Variants in TMEM232 observed in about 807,000 individuals in gnomAD.
The protein encoded by TMEM232 is transmembrane protein 232.
Under a neutral mutation model 78.8 loss-of-function variants are expected in TMEM232, and 80 were observed. The observed-to-expected ratio is 1.01, with a 90% CI of 0.85 to 1.22. The LOEUF (loss-of-function observed/expected upper bound fraction) is 1.22. TMEM232 is among the 50% of genes most tolerant of loss of function. The probability of loss-of-function intolerance (pLI) is 0.00; values close to 1 mark genes in which losing one functional copy is unlikely to be tolerated. For missense variants in TMEM232, 881 were observed against 742.2 expected, an observed-to-expected ratio of 1.19 and a Z score of -2.17; for synonymous variants, 297 against 254.3, an observed-to-expected ratio of 1.17 and a Z score of -1.60.
chr5:110,538,544 T>C (rs774222827), intron 11 of TMEM232, among the ~76,000 whole-genome samples: 8 of 152,282 alleles, frequency 5.3e-5, no homozygotes, highest in African/African-American at 1.4e-4. Flanking sequence ...ACAATGAGCA[T>C]TGGGCAAAGG....
intron 12 of TMEM232, among the ~76,000 whole-genome samples, chr5:110,518,809 A>T (rs925458242): frequency 6.6e-6 from 1 of 152,176 alleles, no homozygotes; most frequent in Non-Finnish European, 1.5e-5. Context: ...CAAGGAAGAA[A>T]CTTTCCCACA....
intron 12 of TMEM232, among the ~76,000 whole-genome samples, chr5:110,464,818 ATGTATCTATCTG>A (rs1761902999): frequency 1.3e-5 from 2 of 152,310 alleles, no homozygotes; most frequent in African/African-American, 2.4e-5. Flanking sequence ...CTATCAATCT[ATGTATCTATCTG>A]TGTATCTATC....
chr5:110,656,674 T>C (rs773635722), intron 2 of TMEM232, among the ~76,000 whole-genome samples: 1 of 151,938 alleles, frequency 6.6e-6, no homozygotes, highest in Non-Finnish European at 1.5e-5. Flanking sequence ...CCGTCTCTAC[T>C]AAAAATACAA....
At chr5:110,544,981 C>G (rs543242843) in intron 11 of TMEM232, among the ~76,000 whole-genome samples, 1 of 151,610 alleles carries the variant, frequency 6.6e-6, no homozygotes. Flanking sequence ...TTACTAGTTA[C>G]GTGATCTTCC....
intron 12 of TMEM232, among the ~76,000 whole-genome samples, chr5:110,510,144 G>A (rs377759311): frequency 3.9e-5 from 6 of 152,060 alleles, no homozygotes; most frequent in Admixed American, 6.6e-5. Context: ...GACTTTAATC[G>A]TCACATTTAT....
intron 12 of TMEM232, among the ~76,000 whole-genome samples, chr5:110,491,725 T>A (rs1454363725): frequency 6.6e-6 from 1 of 151,844 alleles, no homozygotes; most frequent in Non-Finnish European, 1.5e-5. Flanking sequence ...GAGCAGAAAT[T>A]AAATAAACTA....
chr5:110,592,395 A>G (rs1779637340), intron 10 of TMEM232, among the ~76,000 whole-genome samples: 1 of 152,154 alleles, frequency 6.6e-6, no homozygotes, highest in Non-Finnish European at 1.5e-5. Flanking sequence ...AAATAGAATC[A>G]TCAGTGAGAC....
intron 1 of TMEM232, among the ~76,000 whole-genome samples, chr5:110,708,725 A>G (rs1469185855): frequency 6.6e-6 from 1 of 152,190 alleles, no homozygotes; most frequent in Non-Finnish European, 1.5e-5. Context: ...AAAATATGCA[A>G]CAGATTCACA....
intron 7 of TMEM232, 144 bp from the exon 8 acceptor site, chr5:110,618,706 G>T: frequency 1.1e-6 from 1 of 894,948 alleles, no homozygotes; most frequent in Non-Finnish European, 1.6e-6. Flanking sequence ...ACCAAGTGGA[G>T]CAATTTACAT....
At chr5:110,633,027 T>C (rs1183051409) in intron 5 of TMEM232, among the ~76,000 whole-genome samples, 1 of 152,040 alleles carries the variant, frequency 6.6e-6, no homozygotes, top group Non-Finnish European at 1.5e-5. Context: ...TAAAAGTGGA[T>C]TTCTCAGCAG....
intron 1 of TMEM232, among the ~76,000 whole-genome samples, chr5:110,701,452 C>A (rs560260443): frequency 6.6e-6 from 1 of 152,030 alleles, no homozygotes; most frequent in East Asian, 1.9e-4. Context: ...CCCATGCTCC[C>A]AGTAAGAAAA....
intron 12 of TMEM232, among the ~76,000 whole-genome samples, chr5:110,517,440 C>G (rs1768838754): frequency 6.6e-6 from 1 of 152,194 alleles, no homozygotes; most frequent in African/African-American, 2.4e-5. Flanking sequence ...TATAAAAAAG[C>G]AGGTATAATC....
At chr5:110,544,549 T>G (rs962421542) in intron 11 of TMEM232, among the ~76,000 whole-genome samples, 7 of 151,570 alleles carry the variant, frequency 4.6e-5, no homozygotes, top group Non-Finnish European at 8.8e-5. Context: ...ATTTTTGACA[T>G]AAGAGAAAAA....
downstream of TMEM232, among the ~76,000 whole-genome samples, chr5:110,417,189 G>C (rs1039095031): frequency 1.3e-5 from 2 of 152,168 alleles, no homozygotes; most frequent in Non-Finnish European, 2.9e-5. Context: ...AGCATGGAAA[G>C]AAGTTTTAGA....
At chr5:110,436,166 G>T (rs1468750430) in intron 12 of TMEM232, among the ~76,000 whole-genome samples, 1 of 151,910 alleles carries the variant, frequency 6.6e-6, no homozygotes, top group Non-Finnish European at 1.5e-5. Context: ...GGAGTGAAGG[G>T]ATATCTCGTT....
At chr5:110,693,168 A>G (rs1210805840) in intron 1 of TMEM232, among the ~76,000 whole-genome samples, 1 of 152,168 alleles carries the variant, frequency 6.6e-6, no homozygotes. Flanking sequence ...TTCCGCAGCC[A>G]CTGCTGCTGA....
At chr5:110,594,430 T>G (rs1779904409) in intron 10 of TMEM232, among the ~76,000 whole-genome samples, 1 of 151,920 alleles carries the variant, frequency 6.6e-6, no homozygotes, top group African/African-American at 2.4e-5. Flanking sequence ...CATACCCCAG[T>G]GGTGCCTGGA....
chr5:110,511,614 C>T (rs965858034), intron 12 of TMEM232, among the ~76,000 whole-genome samples: 3 of 152,024 alleles, frequency 2.0e-5, no homozygotes, highest in African/African-American at 7.2e-5. Flanking sequence ...AACACATTTA[C>T]TTGACTACCT....
At chr5:110,414,625 A>C (rs896978658), downstream of TMEM232, among the ~76,000 whole-genome samples, 4 of 152,214 alleles carry the variant, frequency 2.6e-5, no homozygotes, top group South Asian at 2.1e-4. Flanking sequence ...GAAGCTCAGT[A>C]AGTCAGTTTC....
Sources: gnomAD v4.1 joint callset for allele counts (sites outside exome capture counted in the v4.1 genomes callset) on GRCh38, gnomAD v4.1.1 for gene constraint, MANE v1.5 for transcripts, NCBI Gene and HGNC (gene_info 2026-07-23, HGNC 2026-07-21) for gene names.